The following PHRF1 variants were observed in gnomAD, a reference collection of about 807,000 sequenced individuals.
The protein encoded by PHRF1 is PHD and RING finger domain-containing protein 1.
Under a neutral mutation model 128.9 loss-of-function variants are expected in PHRF1, and 53 were observed. That is an observed-to-expected ratio of 0.41 (90% CI 0.33 to 0.52). The LOEUF is 0.52. Ranked by LOEUF, PHRF1 falls within the 20% of genes least tolerant of loss-of-function variation. The pLI, the probability that PHRF1 is intolerant of heterozygous loss-of-function variation, is 0.21. For synonymous variants in PHRF1, 1,178 were observed against 980.6 expected (o/e 1.20, Z -3.76); for missense variants, 2,503 against 2,284.5 (o/e 1.10, Z -1.95).
At chr11:595,767 G>A (rs763951973) in intron 6 of PHRF1, among the ~76,000 whole-genome samples, 11 of 152,224 alleles carry the variant, frequency 7.2e-5, no homozygotes, top group Non-Finnish European at 1.5e-4. Flanking sequence ...AAGTGGGTTG[G>A]ACGTTTTCAG....
rs754066475 is a variant in PHRF1, at chr11:607,236, C to T, written c.1780C>T (p.Arg594Cys). Residue 594 changes from arginine to cysteine, a missense_variant, in exon 14 of 18, where the codon CGC (arginine) becomes TGC (cysteine). Transcript: ENST00000264555. ...TCAAGGCAGGTCCCGCACCCCCGCC[C>T]GCACCGCGGGGGCGCCTGTGAGGCT... is the stretch of plus-strand genomic sequence containing the variant. Reference protein sequence around the residue: ...SCQGRSRTPARTAGAPVRLDL... With the variant: ...SCQGRSRTPACTAGAPVRLDL... 40 of 1,612,276 alleles carry T rather than the reference C, an allele frequency of 2.5e-5. No homozygotes were observed. Among genetic ancestry groups the T allele is most frequent in the South Asian group, 1.3e-4 (12 of 91,064 alleles).
At chr11:609,763 G>C (rs1201854860) in intron 14 of PHRF1, 43 bp downstream of exon 14, 1 of 1,353,434 alleles carries the variant, frequency 7.4e-7, no homozygotes, top group East Asian at 2.5e-5. Flanking sequence ...AGCCCCCAGT[G>C]AGTAAGGCCC....
At chr11:576,736 C>A (rs1174337666) in intron 1 of PHRF1, 144 bp downstream of exon 1, 1 of 147,352 alleles carries the variant, frequency 6.8e-6, no homozygotes, top group Non-Finnish European at 1.5e-5. Flanking sequence ...GGCGGGCGGG[C>A]GCGCGCGCGC....
Position 611,896 on chromosome 11 carries a change from G to A in PHRF1, c.*119G>A. The A allele has an allele frequency of 6.9e-7, 1 of 1,456,116 alleles. No individual in the cohort carries two copies. The highest frequency in any genetic ancestry group is 9.1e-7 in the Non-Finnish European group (1 of 1,101,296). The allele number at this position is 1,456,116 out of a possible 1,614,324, so 90.2% of individuals were successfully genotyped here. ...GGCCATGCCCGGGGAGCTGTCGGGA[G>A]TGGCGGGAAATGGGGGGCATCACCA... is the stretch of plus-strand genomic sequence containing the variant. On this transcript the variant is annotated 3_prime_UTR_variant, in exon 18 of 18. Coordinates refer to ENST00000264555, the MANE Select transcript of PHRF1 (RefSeq NM_001286581.2).
chr11:581,742 AGTAGT>A (rs757644044), intron 2 of PHRF1, 136 bp downstream of exon 2: 6 of 1,028,856 alleles, frequency 5.8e-6, no homozygotes, highest in South Asian at 1.7e-5. Flanking sequence ...AAATTGCGGA[AGTAGT>A]GTATTGTTTT....
At chr11:589,029 G>A (rs181354079) in intron 4 of PHRF1, among the ~76,000 whole-genome samples, 8 of 151,872 alleles carry the variant, frequency 5.3e-5, no homozygotes, top group Non-Finnish European at 7.4e-5. Flanking sequence ...CCAGCTACTC[G>A]GGAGGCTGAG....
chr11:591,217 GA>G (rs1854950903), intron 4 of PHRF1, among the ~76,000 whole-genome samples, 166 bp from the exon 5 acceptor site: 1 of 152,236 alleles, frequency 6.6e-6, no homozygotes, highest in Non-Finnish European at 1.5e-5. Context: ...GCTCTGCAGG[GA>G]GGCAAGGCTC....
chr11:592,920 A>G (rs1257287740), intron 6 of PHRF1, among the ~76,000 whole-genome samples: 2 of 152,262 alleles, frequency 1.3e-5, no homozygotes, highest in African/African-American at 4.8e-5. Context: ...AAGACAAAAA[A>G]GAAAACAGCC....
At chr11:593,655 G>C (rs1484710546) in intron 6 of PHRF1, among the ~76,000 whole-genome samples, 1 of 152,214 alleles carries the variant, frequency 6.6e-6, no homozygotes, top group East Asian at 1.9e-4. Context: ...CTCCTTGGGG[G>C]TCCTGCAGGC....
chr11:582,042 G>C lies in PHRF1; in HGVS notation c.175G>C (p.Glu59Gln). ...EHGDGTDGEDEGASEEEDLED... is the reference protein window; with the variant it reads ...EHGDGTDGEDQGASEEEDLED... ...TGGAGATGGCACAGACGGAGAAGAC[G>C]AGGGGGCGTCTGAGGAGGAAGACCT... Residue 59 changes from glutamate to glutamine, a missense_variant, in exon 3 of 18, where the codon GAG (glutamate) becomes CAG (glutamine). By Grantham distance (29) the Glu-to-Gln change is conservative (BLOSUM62 2). Transcript: ENST00000264555. 6.2e-7 allele frequency: 1 copy of C among 1,605,846 alleles called. No homozygotes were observed. Among genetic ancestry groups the C allele is most frequent in the Non-Finnish European group, 8.5e-7 (1 of 1,176,336 alleles).
chr11:587,163 C>T (rs910010889), intron 3 of PHRF1, 96 bp from the exon 4 acceptor site: 2 of 1,204,826 alleles, frequency 1.7e-6, no homozygotes, highest in African/African-American at 3.0e-5. Context: ...GCATTGCCGA[C>T]CTGGTGTCCT....
chr11:610,553 C>T lies in PHRF1; in HGVS notation c.4469C>T (p.Pro1490Leu), dbSNP rs928100158. The change falls in exon 16 of 18, where the codon CCC (proline) becomes CTC (leucine). Residue 1490 changes from proline to leucine, a missense_variant. Transcript: ENST00000264555. The part of the protein sequence containing the change: ...PAPAQPSSIP[P>L]CALVSQPTVQ... Reference sequence around the variant, plus strand: ...CCGGCCCAGCCCTCAAGCATCCCACCCTGCGCACTGGTCAGCCAGCCCACG... The same window carrying T: ...CCGGCCCAGCCCTCAAGCATCCCACTCTGCGCACTGGTCAGCCAGCCCACG... 3.1e-6 allele frequency: 5 copies of T among 1,606,086 alleles called. No homozygotes were observed. The highest frequency in any genetic ancestry group is 2.2e-5 in the South Asian group (2 of 91,066).
intron 6 of PHRF1, among the ~76,000 whole-genome samples, chr11:595,845 A>G (rs927790889): frequency 6.6e-6 from 1 of 152,210 alleles, no homozygotes; most frequent in Non-Finnish European, 1.5e-5. Flanking sequence ...TTGTATAAGA[A>G]CAGATGTTAG....
intron 3 of PHRF1, among the ~76,000 whole-genome samples, chr11:582,674 G>C (rs1353261566): frequency 6.6e-6 from 1 of 151,716 alleles, no homozygotes; most frequent in Non-Finnish European, 1.5e-5. Context: ...ACAGGCGCCC[G>C]CCACCAAGCC....
chr11:609,800 C>CCCTGGCCCCCGCCGAGGACAGAGCCCCCA, intron 14 of PHRF1, 80 bp downstream of exon 14: 2 of 964,508 alleles, frequency 2.1e-6, no homozygotes, highest in South Asian at 1.9e-5. Flanking sequence ...CAGAGCCCCC[C>CCCTGGCCCCCGCCGAGGACAGAGCCCCCA]GTGAGTAAGG....
At chr11:605,964 G>C (rs550796550) in intron 12 of PHRF1, among the ~76,000 whole-genome samples, 1 of 152,222 alleles carries the variant, frequency 6.6e-6, no homozygotes, top group Admixed American at 6.5e-5. Context: ...TCCACGAGGT[G>C]GCCCCTCTGC....
chr11:596,685 C>G (rs1464889134), intron 6 of PHRF1, among the ~76,000 whole-genome samples: 2 of 152,224 alleles, frequency 1.3e-5, no homozygotes, highest in African/African-American at 4.8e-5. Flanking sequence ...GTGACCTCAC[C>G]TGGCCTTCCC....
At chr11:587,053 G>A (rs999313816) in intron 3 of PHRF1, among the ~76,000 whole-genome samples, 3 of 152,164 alleles carry the variant, frequency 2.0e-5, no homozygotes, top group African/African-American at 7.2e-5. Flanking sequence ...CAGGGCACCC[G>A]AGGCTTCAGG....
In PHRF1 at chr11:602,755, GTTTTTGTTT is replaced by G. The variant is rs746146304; in HGVS notation, c.1152+1069_1152+1077del. On this transcript the variant is annotated intron_variant, in intron 10 of 17. Coordinates refer to ENST00000264555, the MANE Select transcript of PHRF1 (RefSeq NM_001286581.2). ...TGTTTGCTGAATCTTTTTTGGTTTT[GTTTTTGTTT>G]TTTTTGTTTTTTTTTTTGAGATGGA... is the stretch of plus-strand genomic sequence containing the variant. 1.9e-3 allele frequency among the ~76,000 whole-genome samples: 259 copies of G among 139,598 alleles called. 3 individuals carry two copies. The highest frequency in any genetic ancestry group is 2.9e-3 in the Non-Finnish European group (195 of 67,466). 91.6% of individuals were successfully genotyped at this position (139,598 alleles called of 152,430 possible).
Sources: allele counts gnomAD v4.1 joint callset (sites outside exome capture counted in the v4.1 genomes callset), GRCh38; gene constraint gnomAD v4.1.1; transcripts MANE v1.5; gene names NCBI Gene and HGNC (gene_info 2026-07-23, HGNC 2026-07-21).